The following ATP2B2 variants were observed in gnomAD, a reference collection of about 807,000 sequenced individuals.
ATP2B2 encodes ATPase plasma membrane Ca2+ transporting 2, also known as plasma membrane calcium-transporting ATPase 2.
A neutral mutation model predicts 120.0 loss-of-function variants in ATP2B2; 15 were observed. That is an observed-to-expected ratio of 0.12 (90% CI 0.08 to 0.19). ATP2B2 has a LOEUF of 0.19. ATP2B2 is among the 10% of genes least tolerant of loss of function. The pLI is 1.00. For synonymous variants in ATP2B2, 694 were observed against 700.3 expected (o/e 0.99, Z 0.14); for missense variants, 1,045 against 1,719.8 (o/e 0.61, Z 6.94).
rs78355481 is a variant in ATP2B2, at chr3:10,567,338, T to C, written c.-414-33205A>G. On this transcript the variant is annotated intron_variant, in intron 2 of 21. Transcript: ENST00000646379. Reference sequence around the variant, plus strand: ...GGGAATTCTGCAGGCCTCTCTGAGCTTCTGTTTCTGGGATCACCAAATGGA... The same window carrying C: ...GGGAATTCTGCAGGCCTCTCTGAGCCTCTGTTTCTGGGATCACCAAATGGA... Among the ~76,000 whole-genome samples, 246 of 152,314 alleles carry C rather than the reference T, an allele frequency of 1.6e-3. 5 individuals carry two copies. In the East Asian group the frequency reaches 0.036, roughly 23 times the overall value.
At chr3:10,525,736 G>A (rs1033205097) in intron 3 of ATP2B2, among the ~76,000 whole-genome samples, 1 of 151,908 alleles carries the variant, frequency 6.6e-6, no homozygotes, top group Non-Finnish European at 1.5e-5. Context: ...TTTTAATCTG[G>A]GCGGTGGTTA....
intron 2 of ATP2B2, among the ~76,000 whole-genome samples, chr3:10,433,031 A>C (rs2063369513): frequency 6.6e-6 from 1 of 152,130 alleles, no homozygotes; most frequent in Admixed American, 6.5e-5. Flanking sequence ...AATCCCTGCT[A>C]GGGCTGGGGT....
chr3:10,645,713 A>C (rs2070304304), intron 1 of ATP2B2, among the ~76,000 whole-genome samples: 1 of 152,232 alleles, frequency 6.6e-6, no homozygotes, highest in African/African-American at 2.4e-5. Flanking sequence ...ATCATCCTGT[A>C]TGATGCCTGG....
chr3:10,426,446 G>C (rs957288808), intron 2 of ATP2B2, among the ~76,000 whole-genome samples: 1 of 152,142 alleles, frequency 6.6e-6, no homozygotes, highest in African/African-American at 2.4e-5. Flanking sequence ...GAAGACTGGG[G>C]AGCTGGAGAG....
chr3:10,348,495 G>T (rs1000557076), intron 16 of ATP2B2, among the ~76,000 whole-genome samples: 1 of 152,220 alleles, frequency 6.6e-6, no homozygotes, highest in Non-Finnish European at 1.5e-5. Flanking sequence ...GGCCCTGCAG[G>T]ATCTGCTGCC....
At chr3:10,439,308 T>A (rs2063577968) in intron 2 of ATP2B2, among the ~76,000 whole-genome samples, 1 of 152,214 alleles carries the variant, frequency 6.6e-6, no homozygotes, top group South Asian at 2.1e-4. Flanking sequence ...ATGGGGAGGC[T>A]GAGGCATGGA....
intron 4 of ATP2B2, 65 bp from the exon 5 acceptor site, chr3:10,401,143 T>A: frequency 6.3e-7 from 1 of 1,596,324 alleles, no homozygotes; most frequent in Middle Eastern, 1.7e-4. Context: ...GAACATTCCC[T>A]TAAAGGTGCG....
At chr3:10,648,773 C>G (rs11718999) in intron 1 of ATP2B2, among the ~76,000 whole-genome samples, 46,251 of 152,110 alleles carry the variant, frequency 0.3, 10,449 homozygotes, top group African/African-American at 0.63. Flanking sequence ...GCACCAAATC[C>G]TACCAGTTTT....
At chr3:10,369,277 G>T (rs2125494593) in intron 12 of ATP2B2, among the ~76,000 whole-genome samples, 1 of 152,320 alleles carries the variant, frequency 6.6e-6, no homozygotes, top group African/African-American at 2.4e-5. Flanking sequence ...CCTCTTCTCA[G>T]TCTTCATCTG....
intron 2 of ATP2B2, among the ~76,000 whole-genome samples, chr3:10,548,635 A>C (rs1289577301): frequency 6.6e-6 from 1 of 152,178 alleles, no homozygotes; most frequent in Non-Finnish European, 1.5e-5. Flanking sequence ...AGTGATAATT[A>C]ACTTGCTTGA....
rs571997787 is a variant in ATP2B2 at position 10,514,841 on chromosome 3, G to A, written c.-320+19198C>T. ...TATGGATGAGACTTCCTGAAAGGCT[G>A]GGCCACCTCTCTCACTGCACATCCC... On this transcript the variant is annotated intron_variant, in intron 3 of 21. Transcript: ENST00000646379. Among the ~76,000 whole-genome samples the A allele has an allele frequency of 8.5e-5, 13 of 152,320 alleles. No individual in the cohort carries two copies. The South Asian group carries it at 2.7e-3, about 32-fold the overall frequency.
rs140930953 is a variant in ATP2B2, at chr3:10,603,731, G to C, written c.-415+16186C>G. Among the ~76,000 whole-genome samples, 802 of 152,202 alleles carry C rather than the reference G, an allele frequency of 5.3e-3. 7 individuals carry two copies. Among genetic ancestry groups the C allele is most frequent in the African/African-American group, 0.018 (767 of 41,512 alleles). On this transcript the variant is annotated intron_variant, in intron 2 of 21. Coordinates refer to the ATP2B2 transcript ENST00000646379. ...GGGTAGGGCTAAGAAAAATGAATCA[G>C]AGCTGAGGTGTTCACAGATCTTCGT...
chr3:10,393,158 A>G (rs2061912422), intron 5 of ATP2B2, among the ~76,000 whole-genome samples: 1 of 152,128 alleles, frequency 6.6e-6, no homozygotes, highest in Non-Finnish European at 1.5e-5. Flanking sequence ...ACAGATCCAG[A>G]GCAATGCAAG....
chr3:10,423,586 C>A (rs1315666567), intron 2 of ATP2B2, among the ~76,000 whole-genome samples: 2 of 152,212 alleles, frequency 1.3e-5, no homozygotes, highest in Non-Finnish European at 1.5e-5. Context: ...TTGTCTCAGC[C>A]CTTTGGGAAA....
At chr3:10,571,796 TG>T (rs1366108240) in intron 2 of ATP2B2, among the ~76,000 whole-genome samples, 1 of 152,232 alleles carries the variant, frequency 6.6e-6, no homozygotes, top group African/African-American at 2.4e-5. Flanking sequence ...AGCAGTGTCC[TG>T]TGTCGCTTCT....
At chr3:10,562,959 A>T (rs755844768) in intron 2 of ATP2B2, among the ~76,000 whole-genome samples, 1 of 152,230 alleles carries the variant, frequency 6.6e-6, no homozygotes, top group Non-Finnish European at 1.5e-5. Context: ...TAAAGCATAC[A>T]TGCTTTGAAT....
intron 1 of ATP2B2, among the ~76,000 whole-genome samples, chr3:10,502,227 C>A (rs576114524): frequency 6.6e-6 from 1 of 152,344 alleles, no homozygotes; most frequent in Admixed American, 6.5e-5. Flanking sequence ...CCTGCTCCGG[C>A]TCCTGATCCT....
chr3:10,368,237 T>C (rs989824270), intron 12 of ATP2B2, among the ~76,000 whole-genome samples: 1 of 152,076 alleles, frequency 6.6e-6, no homozygotes, highest in Admixed American at 6.6e-5. Context: ...TATGGATCAA[T>C]GCTGCCTGGA....
intron 2 of ATP2B2, among the ~76,000 whole-genome samples, chr3:10,589,471 C>T (rs1413230641): frequency 6.6e-6 from 1 of 152,212 alleles, no homozygotes; most frequent in Non-Finnish European, 1.5e-5. Flanking sequence ...AGCCTGTTGC[C>T]AAACGCAGTT....
Sources: allele counts gnomAD v4.1 joint callset (sites outside exome capture counted in the v4.1 genomes callset), GRCh38; gene constraint gnomAD v4.1.1; transcripts MANE v1.5; gene names NCBI Gene and HGNC (gene_info 2026-07-23, HGNC 2026-07-21).